The following MSH3 variants were observed in gnomAD, a reference collection of about 807,000 sequenced individuals.
The protein encoded by MSH3 is mutS homolog 3, also known as DNA mismatch repair protein Msh3.
MSH3 carries 106 observed loss-of-function variants against 123.3 expected under a neutral mutation model. That is an observed-to-expected ratio of 0.86 (90% CI 0.73 to 1.01). The LOEUF (loss-of-function observed/expected upper bound fraction) is 1.01, where lower values mean the gene tolerates loss of function less well. MSH3 is among the 50% of genes least tolerant of loss of function. MSH3 has a pLI of 0.00. For synonymous variants in MSH3, 515 were observed against 481.4 expected, an observed-to-expected ratio of 1.07 and a Z score of -0.91; for missense variants, 1,459 against 1,347.6, an observed-to-expected ratio of 1.08 and a Z score of -1.29.
intron 8 of MSH3, among the ~76,000 whole-genome samples, chr5:80,700,840 GA>G (rs1168541880): frequency 6.6e-6 from 1 of 152,220 alleles, no homozygotes; most frequent in Non-Finnish European, 1.5e-5. Context: ...CAGCATTTGA[GA>G]AGTGTGGAGA....
chr5:80,694,296 TAGTA>T (rs1384237402), intron 8 of MSH3, among the ~76,000 whole-genome samples: 3 of 152,184 alleles, frequency 2.0e-5, no homozygotes, highest in African/African-American at 7.2e-5. Flanking sequence ...AGGAAGTAAT[TAGTA>T]AGTCATGTAG....
At position 80,792,829 on chromosome 5, in the gene MSH3, T is replaced by G. The variant is rs1376745635; in HGVS notation, c.2640T>G (p.Asn880Lys). 1 of 1,608,454 alleles carries G rather than the reference T, an allele frequency of 6.2e-7. No individual in the cohort carries two copies. The change falls in exon 19 of 24, where the codon AAT (asparagine) becomes AAG (lysine). Residue 880 changes from asparagine to lysine, a missense_variant. Transcript: ENST00000265081. ...LLGEQDQYVPNNTDLSEDSER... is the reference protein window; with the variant it reads ...LLGEQDQYVPKNTDLSEDSER... Reference sequence around the variant, plus strand: ...GAGAACAGGATCAATATGTCCCAAATAATACAGATTTATCAGTAAGTACCT... The same window carrying G: ...GAGAACAGGATCAATATGTCCCAAAGAATACAGATTTATCAGTAAGTACCT...
At chr5:80,854,621 A>G (rs2112107076) in intron 21 of MSH3, among the ~76,000 whole-genome samples, 1 of 152,306 alleles carries the variant, frequency 6.6e-6, no homozygotes, top group South Asian at 2.1e-4. Context: ...TATTATACAC[A>G]TTATTTTCCT....
Position 80,796,851 on chromosome 5 carries a change from C to T in MSH3, c.2655+4007C>T, listed in dbSNP as rs183583650. Among the ~76,000 whole-genome samples the T allele has an allele frequency of 2.0e-4, 31 of 152,224 alleles. No homozygotes were observed. The East Asian group carries it at 5.6e-3, about 28-fold the overall frequency. Reference sequence around the variant, plus strand: ...ATGTGGTCACCGCTGGAGCTCCCTCCTCCACCCTGCCCACCTCCATGGATT... The same window carrying T: ...ATGTGGTCACCGCTGGAGCTCCCTCTTCCACCCTGCCCACCTCCATGGATT... On this transcript the variant is annotated intron_variant, in intron 19 of 23. Transcript: ENST00000265081.
At chr5:80,835,473 A>C (rs1463994928) in intron 20 of MSH3, among the ~76,000 whole-genome samples, 1 of 152,218 alleles carries the variant, frequency 6.6e-6, no homozygotes, top group Non-Finnish European at 1.5e-5. Context: ...TAAAAAAATA[A>C]AAAGCAGCAA....
intron 20 of MSH3, among the ~76,000 whole-genome samples, chr5:80,818,979 C>T (rs1254240676): frequency 1.3e-5 from 2 of 152,062 alleles, no homozygotes; most frequent in African/African-American, 2.4e-5. Context: ...CGTATGAAAT[C>T]AGTGCATTGA....
chr5:80,666,422 T>A (rs781282115), intron 3 of MSH3, among the ~76,000 whole-genome samples: 59 of 152,144 alleles, frequency 3.9e-4, no homozygotes, highest in Admixed American at 3.9e-4. Context: ...ATCCATGAAC[T>A]CCTCCCTCAG....
At chr5:80,673,881 G>T (rs1749774963) in intron 6 of MSH3, among the ~76,000 whole-genome samples, 1 of 152,136 alleles carries the variant, frequency 6.6e-6, no homozygotes, top group African/African-American at 2.4e-5. Flanking sequence ...TACTATGGGG[G>T]TGGAATCAGT....
chr5:80,730,774 A>C (rs972179126), intron 10 of MSH3, among the ~76,000 whole-genome samples: 1 of 151,826 alleles, frequency 6.6e-6, no homozygotes, highest in Non-Finnish European at 1.5e-5. Context: ...CTGTATCACC[A>C]AGCAAAGAAG....
rs754531668 is a variant in MSH3 at position 80,813,580 on chromosome 5, T to C, written c.2656-4T>C. ...AATAAGTGAAATTCCTTTCTAATTT[T>C]CAGGAGGACTCAGAGAGAGTAATGA... On this transcript the variant is annotated splice_region_variant and splice_polypyrimidine_tract_variant and intron_variant, in intron 19 of 23. Transcript: ENST00000265081. The C allele has an allele frequency of 6.2e-7, 1 of 1,614,094 alleles. No individual in the cohort carries two copies. Among genetic ancestry groups the C allele is most frequent in the Non-Finnish European group, 8.5e-7 (1 of 1,179,964 alleles).
At chr5:80,753,182 C>G (rs1303433649) in intron 12 of MSH3, among the ~76,000 whole-genome samples, 1 of 152,048 alleles carries the variant, frequency 6.6e-6, no homozygotes, top group Non-Finnish European at 1.5e-5. Context: ...TCTAGAAAGC[C>G]CATGTTGAAC....
At chr5:80,679,803 G>A (rs1158208200) in intron 8 of MSH3, among the ~76,000 whole-genome samples, 2 of 152,224 alleles carry the variant, frequency 1.3e-5, no homozygotes, top group Non-Finnish European at 2.9e-5. Flanking sequence ...AAACGTGAAG[G>A]TGCCTTGTTG....
intron 22 of MSH3, among the ~76,000 whole-genome samples, chr5:80,871,075 G>GTA (rs1746205036): frequency 6.6e-6 from 1 of 152,146 alleles, no homozygotes; most frequent in South Asian, 2.1e-4. Context: ...TCATGTGTAT[G>GTA]TATATATATG....
intron 18 of MSH3, among the ~76,000 whole-genome samples, chr5:80,790,673 C>T (rs921430468): frequency 1.3e-5 from 2 of 152,158 alleles, no homozygotes; most frequent in South Asian, 2.1e-4. Context: ...ACATCATCTT[C>T]CAAGAAGGTA....
chr5:80,731,799 C>T (rs1284879022), intron 10 of MSH3, among the ~76,000 whole-genome samples: 1 of 152,014 alleles, frequency 6.6e-6, no homozygotes, highest in African/African-American at 2.4e-5. Flanking sequence ...AATGAATATT[C>T]TCCTTGTAGA....
chr5:80,730,894 A>G (rs187287905), intron 10 of MSH3, among the ~76,000 whole-genome samples: 6 of 127,780 alleles, frequency 4.7e-5, no homozygotes, highest in Admixed American at 3.3e-4. Flanking sequence ...ATATATATAT[A>G]TTTTTTTTTT....
chr5:80,834,358 T>A (rs1745472678), intron 20 of MSH3, among the ~76,000 whole-genome samples: 1 of 150,446 alleles, frequency 6.6e-6, no homozygotes, highest in Non-Finnish European at 1.5e-5. Context: ...TATATTAAAA[T>A]ATATTTTAAA....
At chr5:80,676,613 G>A (rs570725006) in intron 7 of MSH3, among the ~76,000 whole-genome samples, 1 of 152,262 alleles carries the variant, frequency 6.6e-6, no homozygotes, top group African/African-American at 2.4e-5. Context: ...GCATAACTCT[G>A]TGTTAACTTG....
intron 20 of MSH3, among the ~76,000 whole-genome samples, chr5:80,821,159 G>A (rs1745199607): frequency 6.6e-6 from 1 of 152,150 alleles, no homozygotes; most frequent in African/African-American, 2.4e-5. Flanking sequence ...CCATCTCTAT[G>A]ACACTTTGAC....
Sources: gnomAD v4.1 joint callset for allele counts (sites outside exome capture counted in the v4.1 genomes callset) on GRCh38, gnomAD v4.1.1 for gene constraint, MANE v1.5 for transcripts, NCBI Gene and HGNC (gene_info 2026-07-23, HGNC 2026-07-21) for gene names.